MEGF6: variants seen among roughly 807,000 people sequenced by gnomAD.
MEGF6 encodes the protein multiple epidermal growth factor-like domains protein 6.
In MEGF6, 184 loss-of-function variants were observed where a neutral mutation model predicts 207.1. The ratio of observed to expected loss-of-function variants is 0.89; its 90% CI spans 0.79 to 1.00. The LOEUF (loss-of-function observed/expected upper bound fraction) is 1.00, where lower values mean the gene tolerates loss of function less well. Among genes scored for constraint, MEGF6 ranks in the 50% least tolerant of loss-of-function variants. The probability of loss-of-function intolerance (pLI) is 0.00; values close to 1 mark genes in which losing one functional copy is unlikely to be tolerated. For synonymous variants in MEGF6, 1,038 were observed against 910.0 expected (o/e 1.14, Z -2.53); for missense variants, 2,282 against 2,202.9 (o/e 1.04, Z -0.72).
At chr1:3,507,581 C>A (rs1461073948) in intron 14 of MEGF6, among the ~76,000 whole-genome samples, 1 of 152,182 alleles carries the variant, frequency 6.6e-6, no homozygotes, top group Non-Finnish European at 1.5e-5. Context: ...AAAAGCAATA[C>A]CCCTCTCATT....
chr1:3,497,761 T>C (rs987248134), intron 26 of MEGF6: 13 of 363,764 alleles, frequency 3.6e-5, no homozygotes, highest in Non-Finnish European at 6.3e-5. Context: ...GCCAGCCGAG[T>C]GCCCAGGCCC....
chr1:3,557,068 C>T (rs1643057620), intron 4 of MEGF6, among the ~76,000 whole-genome samples: 1 of 152,056 alleles, frequency 6.6e-6, no homozygotes, highest in Non-Finnish European at 1.5e-5. Context: ...GAGAGACGGG[C>T]GCTGCTGCCT....
chr1:3,558,476 C>A (rs191896675), intron 4 of MEGF6, among the ~76,000 whole-genome samples: 1 of 152,274 alleles, frequency 6.6e-6, no homozygotes, highest in African/African-American at 2.4e-5. Context: ...ACTCAACTTC[C>A]TGGTCATAAG....
intron 5 of MEGF6, among the ~76,000 whole-genome samples, chr1:3,518,418 G>A (rs1401800678): frequency 1.3e-5 from 2 of 152,178 alleles, no homozygotes; most frequent in Non-Finnish European, 2.9e-5. Context: ...CCAAATGTGA[G>A]GGTGAAGCTC....
At chr1:3,578,525 G>T (rs1034258142) in intron 4 of MEGF6, among the ~76,000 whole-genome samples, 1 of 146,200 alleles carries the variant, frequency 6.8e-6, no homozygotes, top group Non-Finnish European at 1.5e-5. Context: ...GCAATGACAG[G>T]GCAGGGGCCC....
intron 4 of MEGF6, among the ~76,000 whole-genome samples, chr1:3,564,988 G>T (rs1643306000): frequency 6.6e-6 from 1 of 152,098 alleles, no homozygotes; most frequent in South Asian, 2.1e-4. Flanking sequence ...TCTACGGCAG[G>T]CACCACCGCT....
At chr1:3,503,324 T>C (rs1320434741) in intron 17 of MEGF6, among the ~76,000 whole-genome samples, 1 of 152,070 alleles carries the variant, frequency 6.6e-6, no homozygotes, top group Non-Finnish European at 1.5e-5. Context: ...AGCAGATGAG[T>C]GCTGGGCAGG....
the MEGF6 span, among the ~76,000 whole-genome samples, chr1:3,617,307 C>T: frequency 6.6e-6 from 1 of 152,126 alleles, no homozygotes; most frequent in African/African-American, 2.4e-5. Flanking sequence ...ACACAGCCTA[C>T]TGGGTTGAAG....
rs763933212 is a variant in MEGF6 at position 3,579,899 on chromosome 1, C to T, written c.407G>A (p.Gly136Asp). ...GGCTGAGCCTGGCACACAACGGCCA[C>T]CGTGAAAACAGAGGCTGGCGCTGCA... is the stretch of plus-strand genomic sequence containing the variant. ...AECSASLCFHGGRCVPGSAQP... is the reference protein window; with the variant it reads ...AECSASLCFHDGRCVPGSAQP... Residue 136 changes from glycine to aspartate, a missense_variant, in exon 4 of 37, where the codon GGT becomes GAT. By Grantham distance (94) the Gly-to-Asp change is moderately conservative. Coordinates refer to ENST00000356575, the MANE Select transcript of MEGF6 (RefSeq NM_001409.4). 1 of 1,536,876 alleles carries T rather than the reference C, an allele frequency of 6.5e-7. No individual in the cohort carries two copies. Among genetic ancestry groups the T allele is most frequent in the Admixed American group, 2.3e-5 (1 of 43,704 alleles).
intron 4 of MEGF6, among the ~76,000 whole-genome samples, chr1:3,529,086 G>T (rs1354636160): frequency 6.6e-6 from 1 of 152,148 alleles, no homozygotes; most frequent in African/African-American, 2.4e-5. Context: ...AGGTTCACGG[G>T]AGCCGCGTGC....
rs1014154177 is a variant in MEGF6 at position 3,510,715 on chromosome 1, C to T, written c.1234+68G>A. ...ACCATGGGGGTACCAGAGCCAGCCC[C>T]GTGTCCTTCCTTAGGGCAGCCCTGC... is the stretch of plus-strand genomic sequence containing the variant. On this transcript the variant is annotated intron_variant, in intron 10 of 36. Transcript: ENST00000356575. The T allele has an allele frequency of 4.0e-5, 62 of 1,533,810 alleles. No individual in the cohort carries two copies. The African/African-American group carries it at 7.4e-4, about 18-fold the overall frequency.
At chr1:3,616,401 C>T (rs1165100708), upstream of MEGF6, among the ~76,000 whole-genome samples, 1 of 152,194 alleles carries the variant, frequency 6.6e-6, no homozygotes, top group African/African-American at 2.4e-5. Flanking sequence ...GTCCTCACGT[C>T]AACACCAACG....
chr1:3,612,489 A>C (rs962525598), upstream of MEGF6, among the ~76,000 whole-genome samples: 1 of 152,190 alleles, frequency 6.6e-6, no homozygotes, highest in African/African-American at 2.4e-5. Context: ...GAGCTACCAG[A>C]CACTCAGGAG....
At chr1:3,495,689 C>T (rs74050555) in intron 30 of MEGF6, among the ~76,000 whole-genome samples, 4,642 of 152,232 alleles carry the variant, frequency 0.03, 245 homozygotes, top group African/African-American at 0.11. Flanking sequence ...TGGCATGGGA[C>T]GGTCCATTCC....
chr1:3,498,447 G>A lies in MEGF6; in HGVS notation c.3276C>T (p.Leu1092=), dbSNP rs1249178179. 3 of 1,577,338 alleles carry A rather than the reference G, an allele frequency of 1.9e-6. No homozygotes were observed. Among genetic ancestry groups the A allele is most frequent in the Non-Finnish European group, 2.6e-6 (3 of 1,162,588 alleles). The part of the protein sequence containing the change: ...RAGCRHSGGC[L]NGGLCDPHTG... ...TGTGCGGGTCACACAGGCCCCCGTT[G>A]AGGCAACCGCCGCTGTGCCGGCAGC... is the stretch of plus-strand genomic sequence containing the variant. The change falls in exon 26 of 37, where the codon CTC becomes CTT. Residue 1092 remains leucine (L), a synonymous_variant. Coordinates refer to ENST00000356575, the MANE Select transcript of MEGF6 (RefSeq NM_001409.4).
At chr1:3,598,398 G>T (rs1479233157) in intron 2 of MEGF6, among the ~76,000 whole-genome samples, 1 of 152,216 alleles carries the variant, frequency 6.6e-6, no homozygotes, top group Non-Finnish European at 1.5e-5. Context: ...TGCAAACCCC[G>T]TCTTGGCAGG....
At chr1:3,497,866 G>A (rs1211832262) in intron 26 of MEGF6, among the ~76,000 whole-genome samples, 1 of 152,198 alleles carries the variant, frequency 6.6e-6, no homozygotes, top group Admixed American at 6.5e-5. Context: ...TGGAAGGGGG[G>A]CTCGTGTTAG....
chr1:3,511,237 G>C (rs540036752), intron 9 of MEGF6, among the ~76,000 whole-genome samples: 2 of 152,352 alleles, frequency 1.3e-5, no homozygotes, highest in African/African-American at 4.8e-5. Context: ...TCAGGGTCTG[G>C]GGTGTGACTT....
intron 17 of MEGF6, among the ~76,000 whole-genome samples, chr1:3,504,141 G>T (rs1322906285): frequency 1.3e-5 from 2 of 150,966 alleles, no homozygotes; most frequent in Non-Finnish European, 2.9e-5. Flanking sequence ...GGCCCCAGGG[G>T]AGGCAGAGGA....
Sources: allele counts gnomAD v4.1 joint callset (sites outside exome capture counted in the v4.1 genomes callset), GRCh38; gene constraint gnomAD v4.1.1; transcripts MANE v1.5; gene names NCBI Gene and HGNC (gene_info 2026-07-23, HGNC 2026-07-21).